The following ADGRL2 variants were observed in gnomAD, a reference collection of about 807,000 sequenced individuals.
ADGRL2 encodes the protein adhesion G protein-coupled receptor L2.
In ADGRL2, 44 loss-of-function variants were observed where a neutral mutation model predicts 157.4. The observed-to-expected ratio is 0.28, with a 90% confidence interval of 0.22 to 0.36. ADGRL2 has a LOEUF of 0.36. Among genes scored for constraint, ADGRL2 ranks in the 10% least tolerant of loss-of-function variants. The pLI is 1.00. For missense variants in ADGRL2, 1,510 were observed against 1,768.9 expected, an observed-to-expected ratio of 0.85 and a Z score of 2.63; for synonymous variants, 585 against 624.7, an observed-to-expected ratio of 0.94 and a Z score of 0.95.
At chr1:81,415,999 C>T (rs1247959177) in intron 1 of ADGRL2, among the ~76,000 whole-genome samples, 1 of 151,994 alleles carries the variant, frequency 6.6e-6, no homozygotes, top group Admixed American at 6.5e-5. Flanking sequence ...CGCCACCATG[C>T]CAGGCTAATT....
chr1:81,623,230 G>T (rs962705528), intron 3 of ADGRL2, among the ~76,000 whole-genome samples: 1 of 152,176 alleles, frequency 6.6e-6, no homozygotes, highest in East Asian at 1.9e-4. Context: ...TGGACCAGGG[G>T]AGATGCAGTA....
rs72941117 is a variant in ADGRL2 at position 81,749,646 on chromosome 1, T to G, written c.-142-12165T>G. On this transcript the variant is annotated intron_variant, in intron 1 of 20. Coordinates refer to the ADGRL2 transcript ENST00000359929. ...AACTAGACATTGGATGCTTTCAGAATATAATTTTATGGTTAATTGAATAAA... is the reference window on the plus strand; with the variant it reads ...AACTAGACATTGGATGCTTTCAGAAGATAATTTTATGGTTAATTGAATAAA... Among the ~76,000 whole-genome samples the G allele has an allele frequency of 3.2e-3, 482 of 152,336 alleles. 3 individuals are homozygous for G. Among genetic ancestry groups the G allele is most frequent in the African/African-American group, 0.011 (468 of 41,592 alleles).
chr1:81,732,571 C>T (rs558495394), intron 1 of ADGRL2, among the ~76,000 whole-genome samples: 2 of 152,182 alleles, frequency 1.3e-5, no homozygotes, highest in East Asian at 3.9e-4. Context: ...GAGCTCTTTA[C>T]AAAAGCAATA....
chr1:81,806,582 A>G (rs976907642), intron 1 of ADGRL2, among the ~76,000 whole-genome samples: 6 of 152,082 alleles, frequency 3.9e-5, no homozygotes, highest in Admixed American at 1.3e-4. Context: ...CTAGAAATCT[A>G]CAAACCATAG....
chr1:81,590,488 C>G (rs144632327), intron 3 of ADGRL2, among the ~76,000 whole-genome samples: 2,065 of 152,170 alleles, frequency 0.014, 18 homozygotes, highest in Middle Eastern at 0.034. Flanking sequence ...CCTGTGGCCC[C>G]TGTTAATCAG....
chr1:81,774,810 C>CAT (rs199731771), intron 2 of ADGRL2, among the ~76,000 whole-genome samples: 20 of 151,706 alleles, frequency 1.3e-4, no homozygotes, highest in African/African-American at 2.9e-4. Context: ...TTATATATAA[C>CAT]ATATATATAT....
chr1:81,952,212 T>G, intron 9 of ADGRL2, 70 bp downstream of exon 9: 2 of 1,297,332 alleles, frequency 1.5e-6, no homozygotes, highest in Non-Finnish European at 2.1e-6. Flanking sequence ...CTTATAGCAG[T>G]TGAGAGCCAA....
intron 1 of ADGRL2, among the ~76,000 whole-genome samples, chr1:81,747,783 A>G (rs1228990233): frequency 6.6e-6 from 1 of 151,900 alleles, no homozygotes; most frequent in African/African-American, 2.4e-5. Flanking sequence ...AAGTATGTGT[A>G]GAAACACATA....
chr1:81,625,972 T>C (rs2081900806), intron 3 of ADGRL2, among the ~76,000 whole-genome samples: 1 of 152,188 alleles, frequency 6.6e-6, no homozygotes, highest in Non-Finnish European at 1.5e-5. Flanking sequence ...CATTTGCCTT[T>C]GAAGAGTGAG....
chr1:81,417,053 C>T (rs1014535639), intron 1 of ADGRL2, among the ~76,000 whole-genome samples: 13 of 152,082 alleles, frequency 8.5e-5, no homozygotes, highest in African/African-American at 3.1e-4. Flanking sequence ...TATTTTCATG[C>T]CATGCTATAT....
At position 81,923,853 on chromosome 1, in the gene ADGRL2, A is replaced by G. The variant is rs181998809; in HGVS notation, c.288-12875A>G. Reference sequence around the variant, plus strand: ...AAATTACTGTGTGAGGCCTGATACAACAGTACCCACTGCTCTTGGAGTGTT... The same window carrying G: ...AAATTACTGTGTGAGGCCTGATACAGCAGTACCCACTGCTCTTGGAGTGTT... On this transcript the variant is annotated intron_variant, in intron 3 of 23. Coordinates refer to ENST00000686636, the MANE Select transcript of ADGRL2 (RefSeq NM_001366006.2). Among the ~76,000 whole-genome samples, 38 of 152,276 alleles carry G rather than the reference A, an allele frequency of 2.5e-4. No individual in the cohort carries two copies. In the East Asian group the frequency reaches 6.2e-3, roughly 25 times the overall value.
Position 81,556,614 on chromosome 1 carries a change from CA to C in ADGRL2, c.-247-24249del, listed in dbSNP as rs77400301. On this transcript the variant is annotated intron_variant, in intron 2 of 24. Coordinates refer to the ADGRL2 transcript ENST00000370721. ...TAACAGTCTAAACTTTGCTAAAGAC[CA>C]AAAAAAAAAAAATTTTTTTTTACTT... is the stretch of plus-strand genomic sequence containing the variant. Among the ~76,000 whole-genome samples the C allele has an allele frequency of 1.6e-3, 233 of 143,740 alleles. 1 individual carries two copies. The highest frequency in any genetic ancestry group is 3.6e-3 in the Middle Eastern group (1 of 278). The allele number at this position is 143,740 out of a possible 152,430, so 94.3% of individuals were successfully genotyped here.
At chr1:81,403,065 G>A (rs1045868316) in intron 1 of ADGRL2, among the ~76,000 whole-genome samples, 1 of 152,154 alleles carries the variant, frequency 6.6e-6, no homozygotes, top group African/African-American at 2.4e-5. Flanking sequence ...GAACGGAAAG[G>A]TTCACTCAGT....
At chr1:81,781,896 A>G (rs2086828585) in intron 2 of ADGRL2, among the ~76,000 whole-genome samples, 1 of 152,214 alleles carries the variant, frequency 6.6e-6, no homozygotes, top group South Asian at 2.1e-4. Context: ...ATGTTTGCAC[A>G]TATAGGCTCT....
chr1:81,518,671 C>T (rs2079238850), intron 2 of ADGRL2, among the ~76,000 whole-genome samples: 1 of 152,090 alleles, frequency 6.6e-6, no homozygotes, highest in African/African-American at 2.4e-5. Flanking sequence ...TTCTCTGTGC[C>T]TCAGTTTCTT....
rs200279674 is a variant in ADGRL2 at position 81,990,800 on chromosome 1, C to G, written c.4065C>G (p.Ser1355=). 1.9e-6 allele frequency: 3 copies of G among 1,614,048 alleles called. No homozygotes were observed. Among genetic ancestry groups the G allele is most frequent in the South Asian group, 2.2e-5 (2 of 91,066 alleles). ...ACCAACCCCAGAAGAAAGTGAAGTC[C>G]GAGGGAACTGACAGCTATGTCTCCC... ...LLYQPQKKVK[S]EGTDSYVSQL... Residue 1355 remains serine (S), a synonymous_variant, in exon 24 of 24, where the codon TCC becomes TCG. Transcript: ENST00000686636.
In ADGRL2 at chr1:81,426,777, G is replaced by A. The variant is rs564574111; in HGVS notation, c.-301-18259G>A. 64 of 463,302 alleles carry A rather than the reference G, an allele frequency of 1.4e-4. 2 individuals carry two copies. The highest frequency in any genetic ancestry group is 1.1e-3 in the South Asian group (64 of 57,762). The allele number at this position is 463,302 out of a possible 1,614,324, so 28.7% of individuals were successfully genotyped here. A position where few individuals can be genotyped will look rare whatever the true frequency, so the allele number is the denominator to read the frequency against. ...TTGGTGGGTGTCTATTGGAACCAAA[G>A]ATAACTCTTTCTAGAGAGGAGTCGA... On this transcript the variant is annotated intron_variant, in intron 1 of 24. Transcript: ENST00000370721.
At chr1:81,777,015 C>A (rs12085995) in intron 2 of ADGRL2, among the ~76,000 whole-genome samples, 6,631 of 152,166 alleles carry the variant, frequency 0.044, 391 homozygotes, top group African/African-American at 0.14. Flanking sequence ...CTGATATAAT[C>A]ATCAAATATA....
At chr1:81,785,850 G>A (rs978570919) in intron 2 of ADGRL2, among the ~76,000 whole-genome samples, 1 of 151,846 alleles carries the variant, frequency 6.6e-6, no homozygotes, top group African/African-American at 2.4e-5. Context: ...GCTCACACCT[G>A]TAATTCCAGT....
Sources: gnomAD v4.1 joint callset for allele counts (sites outside exome capture counted in the v4.1 genomes callset) on GRCh38, gnomAD v4.1.1 for gene constraint, MANE v1.5 for transcripts, NCBI Gene and HGNC (gene_info 2026-07-23, HGNC 2026-07-21) for gene names.